Variants in NSMCE2 observed in about 807,000 individuals in gnomAD.
NSMCE2 encodes NSE2 SUMO ligase component of SMC5/6 complex.
In NSMCE2, 24 loss-of-function variants were observed where a neutral mutation model predicts 23.8. That is an observed-to-expected ratio of 1.01 (90% CI 0.73 to 1.42). The LOEUF (loss-of-function observed/expected upper bound fraction) is 1.42. Among genes scored for constraint, NSMCE2 ranks in the 40% most tolerant of loss-of-function variants. The pLI, the probability that NSMCE2 is intolerant of heterozygous loss-of-function variation, is 0.00. For missense variants in NSMCE2, 284 were observed against 296.5 expected, an observed-to-expected ratio of 0.96 and a Z score of 0.31; for synonymous variants, 92 against 94.1, an observed-to-expected ratio of 0.98 and a Z score of 0.13.
chr8:125,285,968 A>G (rs908669813), intron 5 of NSMCE2, among the ~76,000 whole-genome samples: 1 of 152,074 alleles, frequency 6.6e-6, no homozygotes, highest in Non-Finnish European at 1.5e-5. Flanking sequence ...CTTGGCCATT[A>G]GGATGTACCT....
At chr8:125,307,590 C>G (rs554373923) in intron 5 of NSMCE2, among the ~76,000 whole-genome samples, 2 of 152,320 alleles carry the variant, frequency 1.3e-5, no homozygotes, top group South Asian at 2.1e-4. Context: ...AGCACTTCCC[C>G]TAGCTTGCCC....
At chr8:125,150,181 C>T (rs979824437) in intron 3 of NSMCE2, among the ~76,000 whole-genome samples, 5 of 152,114 alleles carry the variant, frequency 3.3e-5, no homozygotes, top group African/African-American at 9.7e-5. Flanking sequence ...AACCTCCCTT[C>T]GGTCCCAGGC....
chr8:125,169,527 G>C (rs563374142), intron 4 of NSMCE2, among the ~76,000 whole-genome samples: 1 of 152,198 alleles, frequency 6.6e-6, no homozygotes, highest in Non-Finnish European at 1.5e-5. Context: ...TCAGAAATCT[G>C]TTGTCGTCCT....
chr8:125,315,043 C>T (rs1320111785), intron 5 of NSMCE2, among the ~76,000 whole-genome samples: 7 of 152,054 alleles, frequency 4.6e-5, no homozygotes, highest in Admixed American at 3.9e-4. Flanking sequence ...TCACATAAGG[C>T]GAAACAGACA....
At chr8:125,213,491 TCTCCTCTCCTCTC>T (rs1408517059) in intron 5 of NSMCE2, among the ~76,000 whole-genome samples, 1 of 22,320 alleles carries the variant, frequency 4.5e-5, no homozygotes, top group Non-Finnish European at 7.7e-5. Flanking sequence ...CCATGTCTCC[TCTCCTCTCCTCTC>T]CTCTCCTCTC....
chr8:125,341,661 C>A (rs184364234), intron 5 of NSMCE2, among the ~76,000 whole-genome samples: 98 of 152,104 alleles, frequency 6.4e-4, no homozygotes, highest in East Asian at 3.5e-3. Context: ...AAAGTGATAG[C>A]CTACAGGAAA....
intron 5 of NSMCE2, among the ~76,000 whole-genome samples, chr8:125,312,075 T>TAAAAAAAAAAAAAAAAAAAAAAAAA (rs56906621): frequency 2.0e-5 from 2 of 99,416 alleles, no homozygotes; most frequent in Admixed American, 1.1e-4. Flanking sequence ...CCATCTCAAT[T>TAAAAAAAAAAAAAAAAAAAAAAAAA]AAAAAAAAAA....
chr8:125,185,166 G>A (rs1823034205), intron 5 of NSMCE2, among the ~76,000 whole-genome samples: 1 of 152,184 alleles, frequency 6.6e-6, no homozygotes, highest in Non-Finnish European at 1.5e-5. Context: ...TTGCAATGAA[G>A]TTGTCTCCCA....
intron 5 of NSMCE2, among the ~76,000 whole-genome samples, chr8:125,331,585 G>A (rs953730690): frequency 2.0e-5 from 3 of 150,310 alleles, no homozygotes; most frequent in African/African-American, 7.3e-5. Context: ...GTTTAAAAAC[G>A]ATCTTTTTTT....
At chr8:125,317,144 C>G (rs1829241460) in intron 5 of NSMCE2, among the ~76,000 whole-genome samples, 1 of 151,738 alleles carries the variant, frequency 6.6e-6, no homozygotes, top group African/African-American at 2.4e-5. Flanking sequence ...CAAGATGAGT[C>G]CATCCTGGGA....
intron 5 of NSMCE2, among the ~76,000 whole-genome samples, chr8:125,249,039 C>T (rs1232705234): frequency 6.6e-6 from 1 of 152,080 alleles, no homozygotes; most frequent in Non-Finnish European, 1.5e-5. Context: ...AGTATGGTGG[C>T]ACATGCCTTT....
intron 5 of NSMCE2, among the ~76,000 whole-genome samples, chr8:125,282,949 G>T (rs1345246045): frequency 6.6e-6 from 1 of 152,224 alleles, no homozygotes; most frequent in Non-Finnish European, 1.5e-5. Context: ...TTGTAGGAAG[G>T]TAGTCTAGCA....
chr8:125,276,076 C>T (rs923854352), intron 5 of NSMCE2, among the ~76,000 whole-genome samples: 2 of 152,144 alleles, frequency 1.3e-5, no homozygotes, highest in Non-Finnish European at 2.9e-5. Context: ...AAGATGTCTG[C>T]CAAAGAAATT....
At chr8:125,264,530 C>G (rs945457636) in intron 5 of NSMCE2, among the ~76,000 whole-genome samples, 4 of 152,204 alleles carry the variant, frequency 2.6e-5, no homozygotes, top group African/African-American at 9.7e-5. Flanking sequence ...CCTCGGCCTC[C>G]TGAGTACCTG....
At chr8:125,210,267 G>A (rs1409639344) in intron 5 of NSMCE2, among the ~76,000 whole-genome samples, 2 of 152,160 alleles carry the variant, frequency 1.3e-5, no homozygotes, top group African/African-American at 4.8e-5. Context: ...AATGTTATGT[G>A]TTAGCTATTC....
chr8:125,213,547 C>CCTT (rs1322319242), intron 5 of NSMCE2, among the ~76,000 whole-genome samples: 1 of 132,696 alleles, frequency 7.5e-6, no homozygotes, highest in African/African-American at 2.8e-5. Context: ...CTCCCCTCCA[C>CCTT]TCCCCTCCCC....
At chr8:125,221,452 C>T (rs776729711) in intron 5 of NSMCE2, among the ~76,000 whole-genome samples, 65 of 152,294 alleles carry the variant, frequency 4.3e-4, no homozygotes, top group South Asian at 4.1e-4. Context: ...CCATGTTGCC[C>T]AGGCTGGTCT....
chr8:125,196,946 G>A (rs1029168622), intron 5 of NSMCE2, among the ~76,000 whole-genome samples: 5 of 152,178 alleles, frequency 3.3e-5, no homozygotes, highest in African/African-American at 1.2e-4. Flanking sequence ...TTTCTCTGAT[G>A]ACCAGTGATG....
At chr8:125,366,643 G>A (rs1262441953) in intron 7 of NSMCE2, 125 bp from the exon 8 acceptor site, 2 of 681,528 alleles carry the variant, frequency 2.9e-6, no homozygotes, top group African/African-American at 3.6e-5. Flanking sequence ...AATGAGCACA[G>A]CTTGGTCCTG....
Sources: allele counts gnomAD v4.1 joint callset (sites outside exome capture counted in the v4.1 genomes callset), GRCh38; gene constraint gnomAD v4.1.1; transcripts MANE v1.5; gene names NCBI Gene and HGNC (gene_info 2026-07-23, HGNC 2026-07-21).